ZFAND6: variants seen among roughly 807,000 people sequenced by gnomAD.
ZFAND6 encodes the protein AN1-type zinc finger protein 6.
In ZFAND6, 12 loss-of-function variants were observed where a neutral mutation model predicts 24.5. That is an observed-to-expected ratio of 0.49 (90% CI 0.31 to 0.79). The LOEUF is 0.79. Ranked by LOEUF, ZFAND6 falls within the 30% of genes least tolerant of loss-of-function variation. The pLI, the probability that ZFAND6 is intolerant of heterozygous loss-of-function variation, is 0.04. For missense variants in ZFAND6, 207 were observed against 245.9 expected (o/e 0.84, Z 1.06); for synonymous variants, 92 against 81.5 (o/e 1.13, Z -0.69).
chr15:80,074,427 TATATC>T (rs978655257), intron 1 of ZFAND6, among the ~76,000 whole-genome samples: 12 of 151,960 alleles, frequency 7.9e-5, no homozygotes, highest in African/African-American at 2.9e-4. Context: ...TTCAAGAAAA[TATATC>T]AGAAACATTT....
intron 2 of ZFAND6, among the ~76,000 whole-genome samples, chr15:80,113,057 A>AC (rs1359634596): frequency 2.0e-5 from 3 of 149,090 alleles, no homozygotes; most frequent in African/African-American, 7.4e-5. Context: ...GCGGTGTCGT[A>AC]CTAGTTCAAA....
At chr15:80,119,579 C>CT (rs571275548) in intron 2 of ZFAND6, among the ~76,000 whole-genome samples, 95 of 93,274 alleles carry the variant, frequency 1.0e-3, no homozygotes, top group East Asian at 3.7e-3. Flanking sequence ...ATATATCATG[C>CT]TTTTTTAAAA....
intron 2 of ZFAND6, among the ~76,000 whole-genome samples, chr15:80,099,290 T>C (rs1457002380): frequency 6.6e-6 from 1 of 152,162 alleles, no homozygotes; most frequent in Non-Finnish European, 1.5e-5. Context: ...TTTTTCTTTA[T>C]GGATTTAGGA....
chr15:80,125,887 T>C (rs1047481189), intron 5 of ZFAND6, among the ~76,000 whole-genome samples: 3 of 152,228 alleles, frequency 2.0e-5, no homozygotes, highest in Non-Finnish European at 4.4e-5. Context: ...AATAAGAATG[T>C]CCCTCTTACA....
intron 1 of ZFAND6, among the ~76,000 whole-genome samples, chr15:80,076,257 A>T (rs1407798548): frequency 6.6e-6 from 1 of 152,166 alleles, no homozygotes; most frequent in Non-Finnish European, 1.5e-5. Context: ...GCTCACCAAA[A>T]GTCACAGCAA....
intron 1 of ZFAND6, among the ~76,000 whole-genome samples, chr15:80,077,091 G>C (rs2037328895): frequency 6.6e-6 from 1 of 152,190 alleles, no homozygotes; most frequent in Admixed American, 6.5e-5. Context: ...AAAAGCTTGA[G>C]ACCAAGCTGT....
intron 6 of ZFAND6, among the ~76,000 whole-genome samples, chr15:80,134,954 A>G (rs1323661276): frequency 6.6e-6 from 1 of 152,226 alleles, no homozygotes; most frequent in Non-Finnish European, 1.5e-5. Context: ...GATTGGTACC[A>G]TATGGAAACA....
chr15:80,065,536 G>GTTTTTTTT (rs1341209807), intron 1 of ZFAND6, among the ~76,000 whole-genome samples: 8 of 84,974 alleles, frequency 9.4e-5, no homozygotes, highest in South Asian at 4.0e-4. Context: ...TTTTGGTTTT[G>GTTTTTTTT]ATTTTTTTTT....
Position 80,131,445 on chromosome 15 carries a change from A to G in ZFAND6, c.478+152A>G, listed in dbSNP as rs182466817. 8.5e-6 allele frequency: 5 copies of G among 589,374 alleles called. No individual in the cohort carries two copies. The South Asian group carries it at 1.1e-4, about 13-fold the overall frequency. 36.5% of individuals were successfully genotyped at this position (589,374 alleles called of 1,614,324 possible). On this transcript the variant is annotated intron_variant, in intron 6 of 6. Coordinates refer to ENST00000261749, the MANE Select transcript of ZFAND6 (RefSeq NM_019006.4). ...TCTGAATTTTCTTAAGGAAATAAAA[A>G]TAGCTTTGATTATACACCTAAAAGT...
intron 1 of ZFAND6, among the ~76,000 whole-genome samples, chr15:80,071,946 C>T (rs2037002543): frequency 6.6e-6 from 1 of 151,960 alleles, no homozygotes; most frequent in African/African-American, 2.4e-5. Context: ...GTAGAAATAT[C>T]AACCTTTGAT....
At position 80,094,281 on chromosome 15, in the gene ZFAND6, C is replaced by T. The variant is rs573757461; in HGVS notation, c.-180-4135C>T. Among the ~76,000 whole-genome samples, 7 of 152,310 alleles carry T rather than the reference C, an allele frequency of 4.6e-5. No homozygotes were observed. The East Asian group carries it at 7.7e-4, about 17-fold the overall frequency. ...GAAACCTGGCTGCACAGCAGGGGAGCGCGTGGGAGCTGGCATTACCACTTG... is the reference window on the plus strand; with the variant it reads ...GAAACCTGGCTGCACAGCAGGGGAGTGCGTGGGAGCTGGCATTACCACTTG... On this transcript the variant is annotated intron_variant, in intron 1 of 6. Transcript: ENST00000261749.
chr15:80,064,871 A>G (rs559832266), intron 1 of ZFAND6, among the ~76,000 whole-genome samples: 6 of 152,090 alleles, frequency 3.9e-5, no homozygotes, highest in Admixed American at 3.9e-4. Context: ...GGCTCAAGCA[A>G]TTTACCTGCC....
At chr15:80,128,293 ATACTT>A (rs2040456481) in intron 5 of ZFAND6, among the ~76,000 whole-genome samples, 1 of 152,234 alleles carries the variant, frequency 6.6e-6, no homozygotes, top group Non-Finnish European at 1.5e-5. Context: ...ACTGAATTGT[ATACTT>A]TAAAGAGTGA....
rs553933460 is a variant in ZFAND6, at chr15:80,107,234, G to A, written c.-18+8656G>A. 1.2e-4 allele frequency among the ~76,000 whole-genome samples: 18 copies of A among 152,170 alleles called. No homozygotes were observed. In the East Asian group the frequency reaches 3.3e-3, roughly 28 times the overall value. On this transcript the variant is annotated intron_variant, in intron 2 of 6. Transcript: ENST00000261749. ...CCGTGTCAAAAAAAAAATAGATTTA[G>A]TAAAAATAATTTGTTTCATCAGGAA...
chr15:80,070,936 G>A (rs912557151), intron 1 of ZFAND6, among the ~76,000 whole-genome samples: 1 of 152,072 alleles, frequency 6.6e-6, no homozygotes, highest in East Asian at 1.9e-4. Flanking sequence ...TCTTTTGCAA[G>A]AGTGTCCACA....
chr15:80,065,776 C>T lies in ZFAND6; in HGVS notation c.-181+5967C>T, dbSNP rs1475436321. Among the ~76,000 whole-genome samples, 2 of 151,872 alleles carry T rather than the reference C, an allele frequency of 1.3e-5. 1 individual carries two copies. The highest frequency in any genetic ancestry group is 3.9e-4 in the East Asian group (2 of 5,180). On this transcript the variant is annotated intron_variant, in intron 1 of 6. Transcript: ENST00000261749. ...GCCAAGCTGGTCTCGAACCCCTGAC[C>T]TCAGGTGATCTACCCACCTCGGCCT... is the stretch of plus-strand genomic sequence containing the variant.
At chr15:80,116,516 C>T (rs1325449575) in intron 2 of ZFAND6, among the ~76,000 whole-genome samples, 1 of 152,042 alleles carries the variant, frequency 6.6e-6, no homozygotes, top group Non-Finnish European at 1.5e-5. Context: ...AAAAGTCTGC[C>T]TTAATAACAA....
intron 1 of ZFAND6, 149 bp downstream of exon 1, chr15:80,059,958 C>T (rs1233971107): frequency 6.6e-6 from 1 of 151,110 alleles, no homozygotes; most frequent in Non-Finnish European, 1.5e-5. Flanking sequence ...CCGGCCGGCG[C>T]AGCAGGTGGT....
chr15:80,101,863 G>A (rs1002452819), intron 2 of ZFAND6, among the ~76,000 whole-genome samples: 2 of 149,098 alleles, frequency 1.3e-5, no homozygotes, highest in African/African-American at 5.0e-5. Context: ...TGCGATCTCG[G>A]CTCACTGCAA....
Sources: allele counts gnomAD v4.1 joint callset (sites outside exome capture counted in the v4.1 genomes callset), GRCh38; gene constraint gnomAD v4.1.1; transcripts MANE v1.5; gene names NCBI Gene and HGNC (gene_info 2026-07-23, HGNC 2026-07-21).